PTPRD: variants seen among roughly 807,000 people sequenced by gnomAD.
PTPRD encodes the protein protein tyrosine phosphatase receptor type D.
PTPRD carries 34 observed loss-of-function variants against 214.5 expected under a neutral mutation model. That is an observed-to-expected ratio of 0.16 (90% CI 0.12 to 0.21). The LOEUF is 0.21. Ranked by LOEUF, PTPRD falls within the 10% of genes least tolerant of loss-of-function variation. The probability of loss-of-function intolerance (pLI) is 1.00; values close to 1 mark genes in which losing one functional copy is unlikely to be tolerated. For synonymous variants in PTPRD, 1,128 were observed against 845.7 expected (o/e 1.33, Z -5.79); for missense variants, 2,545 against 2,398.7 (o/e 1.06, Z -1.27).
At chr9:9,673,348 T>G (rs562492010) in intron 7 of PTPRD, among the ~76,000 whole-genome samples, 55 of 151,992 alleles carry the variant, frequency 3.6e-4, no homozygotes, top group African/African-American at 1.3e-3. Flanking sequence ...TCAGAGAAAC[T>G]ACTCAAATAT....
At chr9:9,533,219 C>A (rs990934229) in intron 8 of PTPRD, among the ~76,000 whole-genome samples, 2 of 152,068 alleles carry the variant, frequency 1.3e-5, no homozygotes, top group African/African-American at 4.8e-5. Flanking sequence ...AGATATCAAA[C>A]CTGCTGGCAA....
At chr9:9,123,618 T>G (rs909985033) in intron 10 of PTPRD, among the ~76,000 whole-genome samples, 2 of 152,082 alleles carry the variant, frequency 1.3e-5, no homozygotes, top group African/African-American at 4.8e-5. Context: ...TGATAAAAAC[T>G]GAACATATTA....
chr9:8,557,455 T>TATATATATATATATATATATATAC lies in PTPRD; in HGVS notation c.353-28677_353-28676insGTATATATATATATATATATATAT. 5.7e-4 allele frequency among the ~76,000 whole-genome samples: 77 copies of TATATATATATATATATATATATAC among 135,576 alleles called. 4 individuals are homozygous for TATATATATATATATATATATATAC. Among genetic ancestry groups the TATATATATATATATATATATATAC allele is most frequent in the Middle Eastern group, 3.7e-3 (1 of 268 alleles). The allele number at this position is 135,576 out of a possible 152,430, so 88.9% of individuals were successfully genotyped here. A position where few individuals can be genotyped will look rare whatever the true frequency, so the allele number is the denominator to read the frequency against. ...AAATACATATATATATATATATATA[T>TATATATATATATATATATATATAC]ATTTGGGCCGGGCGCGGTGGCTCAT... On this transcript the variant is annotated intron_variant, in intron 14 of 45. Transcript: ENST00000381196.
intron 3 of PTPRD, among the ~76,000 whole-genome samples, chr9:10,135,343 G>A (rs144697062): frequency 1.8e-4 from 28 of 152,208 alleles, no homozygotes; most frequent in Admixed American, 3.3e-4. Context: ...AATCTCATTA[G>A]AGATGCCAAT....
At chr9:9,381,002 T>C (rs1168089684) in intron 9 of PTPRD, among the ~76,000 whole-genome samples, 5 of 152,184 alleles carry the variant, frequency 3.3e-5, no homozygotes, top group South Asian at 2.1e-4. Flanking sequence ...ATAATAGCTA[T>C]TCGTATTTCT....
intron 3 of PTPRD, among the ~76,000 whole-genome samples, chr9:10,301,494 C>A (rs1000780982): frequency 6.6e-6 from 1 of 152,130 alleles, no homozygotes; most frequent in Non-Finnish European, 1.5e-5. Flanking sequence ...CATGTTCTAA[C>A]CCTTCGCAAG....
chr9:8,432,157 T>A (rs143260537), intron 35 of PTPRD, among the ~76,000 whole-genome samples: 2 of 152,356 alleles, frequency 1.3e-5, no homozygotes, highest in Admixed American at 1.3e-4. Flanking sequence ...GCCTAATATA[T>A]GGACTTTAAC....
At chr9:9,135,438 T>C (rs1459279311) in intron 10 of PTPRD, among the ~76,000 whole-genome samples, 1 of 152,214 alleles carries the variant, frequency 6.6e-6, no homozygotes, top group Non-Finnish European at 1.5e-5. Context: ...GGATTGAAGA[T>C]GATGAGATCA....
intron 2 of PTPRD, among the ~76,000 whole-genome samples, chr9:10,427,177 T>C (rs1479462362): frequency 6.6e-6 from 1 of 152,066 alleles, no homozygotes; most frequent in Non-Finnish European, 1.5e-5. Context: ...TTAACAGCTA[T>C]GACAGCATAT....
At chr9:9,433,554 A>G (rs2084046627) in intron 8 of PTPRD, among the ~76,000 whole-genome samples, 1 of 152,118 alleles carries the variant, frequency 6.6e-6, no homozygotes, top group Non-Finnish European at 1.5e-5. Context: ...TGGAAAATTA[A>G]TTTATTATGA....
intron 9 of PTPRD, among the ~76,000 whole-genome samples, chr9:9,275,940 G>A (rs1288965178): frequency 6.6e-6 from 1 of 151,144 alleles, no homozygotes; most frequent in East Asian, 2.0e-4. Flanking sequence ...AACCAACCGT[G>A]CCTTATGCTC....
chr9:10,260,702 G>GT (rs749400733), intron 3 of PTPRD, among the ~76,000 whole-genome samples: 16 of 152,044 alleles, frequency 1.1e-4, no homozygotes, highest in Non-Finnish European at 2.1e-4. Flanking sequence ...CATTCCTCAA[G>GT]TTTTTTTGAC....
intron 20 of PTPRD, among the ~76,000 whole-genome samples, chr9:8,518,884 CAGTTATTACTATTATT>C (rs2097839080): frequency 6.6e-6 from 1 of 152,158 alleles, no homozygotes; most frequent in African/African-American, 2.4e-5. Context: ...GTATTAGCTG[CAGTTATTACTATTATT>C]ATACCAAAAG....
At chr9:9,574,709 A>T (rs991911527) in intron 8 of PTPRD, 23 bp downstream of exon 8, 8 of 152,080 alleles carry the variant, frequency 5.3e-5, no homozygotes, top group Admixed American at 5.2e-4. Flanking sequence ...CTCTAAAATT[A>T]GGTAAATTAA....
At chr9:8,509,803 G>C (rs2097638372) in intron 21 of PTPRD, among the ~76,000 whole-genome samples, 1 of 152,052 alleles carries the variant, frequency 6.6e-6, no homozygotes, top group Admixed American at 6.6e-5. Context: ...TCTAAATAAT[G>C]ACTTAAGTAG....
intron 34 of PTPRD, among the ~76,000 whole-genome samples, chr9:8,440,530 G>C (rs1393466987): frequency 1.3e-5 from 2 of 152,222 alleles, no homozygotes; most frequent in South Asian, 4.2e-4. Flanking sequence ...GGTCAGGCTG[G>C]TCTCAAACTC....
intron 5 of PTPRD, among the ~76,000 whole-genome samples, chr9:9,892,921 G>T (rs1020238137): frequency 6.6e-6 from 1 of 152,006 alleles, no homozygotes; most frequent in African/African-American, 2.4e-5. Flanking sequence ...AAAAATAAAA[G>T]GAGAGATTCA....
At position 9,150,500 on chromosome 9, in the gene PTPRD, A is replaced by T. The variant is rs536201378; in HGVS notation, c.-143+32804T>A. 2.5e-4 allele frequency among the ~76,000 whole-genome samples: 37 copies of T among 148,224 alleles called. No individual in the cohort carries two copies. In the South Asian group the frequency reaches 4.0e-3, roughly 16 times the overall value. On this transcript the variant is annotated intron_variant, in intron 10 of 45. Transcript: ENST00000381196. ...ATACTATATATATATGTATATATAT[A>T]TTTTTTTGAGATGGAGTCTTGCTAT...
At chr9:8,697,544 T>C (rs2097948273) in intron 12 of PTPRD, among the ~76,000 whole-genome samples, 1 of 147,682 alleles carries the variant, frequency 6.8e-6, no homozygotes, top group African/African-American at 2.5e-5. Context: ...TGCCTCAGCC[T>C]CCTGAGTAGC....
Sources: gnomAD v4.1 joint callset for allele counts (sites outside exome capture counted in the v4.1 genomes callset) on GRCh38, gnomAD v4.1.1 for gene constraint, MANE v1.5 for transcripts, NCBI Gene and HGNC (gene_info 2026-07-23, HGNC 2026-07-21) for gene names.